Variants in MAGI1 observed in about 807,000 individuals in gnomAD.
MAGI1 encodes membrane-associated guanylate kinase, WW and PDZ domain-containing protein 1.
A neutral mutation model predicts 139.9 loss-of-function variants in MAGI1; 58 were observed. The ratio of observed to expected loss-of-function variants is 0.41; its 90% confidence interval spans 0.34 to 0.52. The LOEUF is 0.52. Ranked by LOEUF, MAGI1 falls within the 20% of genes least tolerant of loss-of-function variation. The pLI is 0.12. For synonymous variants in MAGI1, 812 were observed against 737.9 expected (o/e 1.10, Z -1.63); for missense variants, 1,874 against 1,901.6 (o/e 0.99, Z 0.27).
At chr3:65,690,415 T>C (rs994190651) in intron 1 of MAGI1, among the ~76,000 whole-genome samples, 1 of 152,162 alleles carries the variant, frequency 6.6e-6, no homozygotes, top group Non-Finnish European at 1.5e-5. Flanking sequence ...TGTTTTAAAA[T>C]GCTTTTTTAA....
chr3:65,857,301 C>T (rs2059406568), intron 1 of MAGI1, among the ~76,000 whole-genome samples: 1 of 152,196 alleles, frequency 6.6e-6, no homozygotes, highest in African/African-American at 2.4e-5. Context: ...ACCATCAAAA[C>T]ACAGAAATGC....
At chr3:65,999,972 C>T (rs1346877549) in intron 1 of MAGI1, among the ~76,000 whole-genome samples, 6 of 113,288 alleles carry the variant, frequency 5.3e-5, no homozygotes, top group Admixed American at 1.1e-4. Flanking sequence ...TCCCCCCACG[C>T]TTTTTTTTTT....
chr3:65,867,489 C>T lies in MAGI1; in HGVS notation c.313+170507G>A, dbSNP rs946435713. 7.9e-5 allele frequency among the ~76,000 whole-genome samples: 12 copies of T among 152,164 alleles called. No individual in the cohort carries two copies. The East Asian group carries it at 2.1e-3, about 27-fold the overall frequency. ...GTGGCTCACGCCTGTAATCCTAGCACTGTGGGCGGCCGAAGTGAAAAGACT... is the reference window on the plus strand; with the variant it reads ...GTGGCTCACGCCTGTAATCCTAGCATTGTGGGCGGCCGAAGTGAAAAGACT... On this transcript the variant is annotated intron_variant, in intron 1 of 22. Transcript: ENST00000402939.
chr3:65,853,580 C>T (rs1282324160), intron 1 of MAGI1, among the ~76,000 whole-genome samples: 3 of 152,132 alleles, frequency 2.0e-5, no homozygotes, highest in African/African-American at 4.8e-5. Flanking sequence ...CACTAACCTC[C>T]CCATTAACTT....
chr3:65,606,738 G>A (rs997969348), intron 2 of MAGI1, among the ~76,000 whole-genome samples: 2 of 152,024 alleles, frequency 1.3e-5, no homozygotes, highest in Non-Finnish European at 2.9e-5. Context: ...GGCAGGTCTC[G>A]AACTCCTGAC....
intron 1 of MAGI1, among the ~76,000 whole-genome samples, chr3:65,866,312 C>G (rs2059725721): frequency 6.7e-6 from 1 of 148,652 alleles, no homozygotes. Flanking sequence ...CTCCTGGGCT[C>G]AAGCGGTCCT....
intron 8 of MAGI1, among the ~76,000 whole-genome samples, chr3:65,441,872 C>A (rs1575759571): frequency 6.6e-6 from 1 of 152,204 alleles, no homozygotes; most frequent in African/African-American, 2.4e-5. Context: ...TGGCCTGGCA[C>A]TTTTTTCATC....
chr3:65,930,988 T>C (rs538667340), intron 1 of MAGI1, among the ~76,000 whole-genome samples: 107 of 152,172 alleles, frequency 7.0e-4, no homozygotes, highest in African/African-American at 2.3e-3. Flanking sequence ...AATCAGTCCA[T>C]GCTTCTGCTC....
intron 1 of MAGI1, among the ~76,000 whole-genome samples, chr3:66,009,609 G>A (rs973196667): frequency 1.3e-5 from 2 of 152,110 alleles, no homozygotes; most frequent in Non-Finnish European, 2.9e-5. Flanking sequence ...AATGCCTAAC[G>A]ATACCTACAT....
rs746807479 is a variant in MAGI1 at position 65,530,757 on chromosome 3, G to GTATA, written c.431-37130_431-37127dup. ...TATATATATGCACATATATATACACGTATATATATATATATACACACATAT... is the reference window on the plus strand; with the variant it reads ...TATATATATGCACATATATATACACGTATATATATATATATATATACACACATAT... On this transcript the variant is annotated intron_variant, in intron 2 of 22. Coordinates refer to ENST00000402939, the MANE Select transcript of MAGI1 (RefSeq NM_001033057.2). Among the ~76,000 whole-genome samples, 4 of 19,300 alleles carry GTATA rather than the reference G, an allele frequency of 2.1e-4. No individual in the cohort carries two copies. The Admixed American group carries it at 2.6e-3, about 13-fold the overall frequency. 12.7% of individuals were successfully genotyped at this position (19,300 alleles called of 152,430 possible).
At chr3:65,866,374 T>G (rs1363385394) in intron 1 of MAGI1, among the ~76,000 whole-genome samples, 1 of 147,840 alleles carries the variant, frequency 6.8e-6, no homozygotes, top group Admixed American at 6.8e-5. Context: ...TTTAATGCAA[T>G]GTGCATTTAA....
intron 1 of MAGI1, among the ~76,000 whole-genome samples, chr3:65,927,552 T>C (rs558241880): frequency 7.7e-4 from 118 of 152,352 alleles, no homozygotes; most frequent in African/African-American, 2.6e-3. Flanking sequence ...ATGTCACAAA[T>C]GCAGATTTAT....
At chr3:65,750,960 T>C (rs146282985) in intron 1 of MAGI1, among the ~76,000 whole-genome samples, 1 of 152,324 alleles carries the variant, frequency 6.6e-6, no homozygotes, top group African/African-American at 2.4e-5. Flanking sequence ...TTTCTTTATA[T>C]AAGATGCACC....
At chr3:65,745,249 G>A (rs1447239595) in intron 1 of MAGI1, among the ~76,000 whole-genome samples, 2 of 152,096 alleles carry the variant, frequency 1.3e-5, no homozygotes, top group African/African-American at 4.8e-5. Flanking sequence ...GGAAAGAGAA[G>A]GTATCTCAAG....
intron 1 of MAGI1, chr3:66,003,779 G>GT (rs1423386449): frequency 2.0e-5 from 3 of 152,076 alleles, no homozygotes; most frequent in Non-Finnish European, 4.4e-5. Flanking sequence ...AGCTTCAACT[G>GT]TTTTTAAGGG....
intron 2 of MAGI1, among the ~76,000 whole-genome samples, chr3:65,594,291 T>C (rs1042770160): frequency 6.6e-6 from 1 of 152,178 alleles, no homozygotes; most frequent in Non-Finnish European, 1.5e-5. Context: ...AATAACAAAA[T>C]GGCAAATCCC....
At chr3:65,401,372 T>TCCCCCCCCCCCCCCCCCCCCCACCCCC in intron 13 of MAGI1, 67 bp downstream of exon 13, 1 of 778,312 alleles carries the variant, frequency 1.3e-6, no homozygotes, top group Non-Finnish European at 2.1e-6. Context: ...CAGAGTACCC[T>TCCCCCCCCCCCCCCCCCCCCCACCCCC]CCCACCTCCA....
intron 1 of MAGI1, among the ~76,000 whole-genome samples, chr3:65,996,133 C>T (rs186749546): frequency 8.7e-4 from 133 of 152,290 alleles, no homozygotes; most frequent in African/African-American, 3.1e-3. Flanking sequence ...GGTAACACTA[C>T]TGAACTTCGC....
rs750995452 is a variant in MAGI1 at position 65,364,729 on chromosome 3, C to A, written c.3291-4G>T. 3.1e-6 allele frequency: 5 copies of A among 1,613,828 alleles called. No individual in the cohort carries two copies. In the South Asian group the frequency reaches 3.3e-5, roughly 11 times the overall value. ...CTGCTTTGGTTTGGTGGTATTCCTGCCAAAGTGAAAGAAATAAATATAAGA... is the reference window on the plus strand; with the variant it reads ...CTGCTTTGGTTTGGTGGTATTCCTGACAAAGTGAAAGAAATAAATATAAGA... On this transcript the variant is annotated splice_polypyrimidine_tract_variant and splice_region_variant and intron_variant, in intron 19 of 22. Coordinates refer to ENST00000402939, the MANE Select transcript of MAGI1 (RefSeq NM_001033057.2).
Sources: allele counts gnomAD v4.1 joint callset (sites outside exome capture counted in the v4.1 genomes callset), GRCh38; gene constraint gnomAD v4.1.1; transcripts MANE v1.5; gene names NCBI Gene and HGNC (gene_info 2026-07-23, HGNC 2026-07-21).